ZNF831: variants seen among roughly 807,000 people sequenced by gnomAD.
ZNF831 encodes the protein chromosome 20 open reading frame 174.
Under a neutral mutation model 95.8 loss-of-function variants are expected in ZNF831, and 59 were observed. The observed-to-expected ratio is 0.62, with a 90% CI of 0.50 to 0.77. ZNF831 has a LOEUF of 0.77. Ranked by LOEUF, ZNF831 falls within the 30% of genes least tolerant of loss-of-function variation. ZNF831 has a pLI of 0.00. For synonymous variants in ZNF831, 961 were observed against 925.5 expected (o/e 1.04, Z -0.70); for missense variants, 2,205 against 2,164.0 (o/e 1.02, Z -0.38).
intron 1 of ZNF831, among the ~76,000 whole-genome samples, chr20:59,143,971 T>C (rs1389462977): frequency 6.6e-6 from 1 of 152,248 alleles, no homozygotes; most frequent in Non-Finnish European, 1.5e-5. Context: ...GATTATCCGC[T>C]GAGTGCTCGC....
chr20:59,227,983 T>C (rs1986520255), intron 4 of ZNF831, among the ~76,000 whole-genome samples: 1 of 152,184 alleles, frequency 6.6e-6, no homozygotes, highest in Non-Finnish European at 1.5e-5. Context: ...TTCAACCACA[T>C]AGGTTATAGT....
At chr20:59,180,381 C>G (rs569393648) in intron 1 of ZNF831, among the ~76,000 whole-genome samples, 1 of 152,256 alleles carries the variant, frequency 6.6e-6, no homozygotes, top group East Asian at 1.9e-4. Flanking sequence ...TTTAAAAGTT[C>G]TGGGATACAT....
chr20:59,210,410 T>G (rs1985216408), intron 4 of ZNF831, among the ~76,000 whole-genome samples: 1 of 152,126 alleles, frequency 6.6e-6, no homozygotes, highest in Admixed American at 6.5e-5. Flanking sequence ...TTGTGTTTGT[T>G]GGAGCTGAAA....
At chr20:59,130,679 CA>C (rs1979324185) in intron 1 of ZNF831, among the ~76,000 whole-genome samples, 1 of 152,094 alleles carries the variant, frequency 6.6e-6, no homozygotes, top group Non-Finnish European at 1.5e-5. Context: ...GTGATTAATC[CA>C]AATTTGAGTC....
chr20:59,178,363 G>A (rs73306902), intron 1 of ZNF831, among the ~76,000 whole-genome samples: 4,719 of 152,330 alleles, frequency 0.031, 257 homozygotes, highest in African/African-American at 0.11. Flanking sequence ...TCAAGTAAGT[G>A]AGGAACCTCT....
chr20:59,130,519 C>T (rs1320381349), intron 1 of ZNF831, among the ~76,000 whole-genome samples: 1 of 152,194 alleles, frequency 6.6e-6, no homozygotes, highest in Non-Finnish European at 1.5e-5. Context: ...CGTTTGGCTT[C>T]CCTCCCCTCC....
Position 59,258,607 on chromosome 20 carries a change from G to A in ZNF831, c.*3864G>A, listed in dbSNP as rs2064864. ...CTCTATGGGTGATCATATTTCTACT[G>A]CTGCAGCAAGCTGGGCTTGTGTATT... On this transcript the variant is annotated 3_prime_UTR_variant, in exon 6 of 6. Transcript: ENST00000371030. 65,174 of 152,350 alleles carry A rather than the reference G, an allele frequency of 0.43. 15,107 individuals carry two copies. The highest frequency in any genetic ancestry group is 0.72 in the East Asian group (3,697 of 5,168). 9.4% of individuals were successfully genotyped at this position (152,350 alleles called of 1,614,324 possible).
At chr20:59,172,589 C>CCATA (rs1327140399) in intron 1 of ZNF831, among the ~76,000 whole-genome samples, 1 of 152,132 alleles carries the variant, frequency 6.6e-6, no homozygotes, top group African/African-American at 2.4e-5. Flanking sequence ...GGCATATTTC[C>CCATA]CATAGTCTTT....
chr20:59,151,481 C>T (rs917666751), intron 2 of ZNF831, among the ~76,000 whole-genome samples: 3 of 152,136 alleles, frequency 2.0e-5, no homozygotes, highest in East Asian at 1.9e-4. Flanking sequence ...CTCCCATGTG[C>T]CTGGGGCTCT....
chr20:59,176,099 C>G (rs1982135824), intron 1 of ZNF831, among the ~76,000 whole-genome samples: 1 of 152,198 alleles, frequency 6.6e-6, no homozygotes, highest in South Asian at 2.1e-4. Context: ...TGGATTAACA[C>G]ACTGTGGCAC....
intron 2 of ZNF831, among the ~76,000 whole-genome samples, chr20:59,156,854 A>G (rs974494782): frequency 6.6e-6 from 1 of 152,264 alleles, no homozygotes; most frequent in African/African-American, 2.4e-5. Flanking sequence ...TAAAAGGTGG[A>G]ATAAACATCT....
At chr20:59,129,536 T>G (rs1174770641) in intron 1 of ZNF831, among the ~76,000 whole-genome samples, 4 of 152,104 alleles carry the variant, frequency 2.6e-5, no homozygotes, top group Non-Finnish European at 4.4e-5. Flanking sequence ...GGCAGGAGAA[T>G]TGCTTGAATC....
rs764352595 is a variant in ZNF831, at chr20:59,192,669, G to T, written c.1650G>T (p.Ser550=). ...ARLGCRSGLS[S]TDVPSGHPRA... is the part of the protein sequence containing the mutation. ...TGGGCTGCCGCTCGGGACTAAGCTCGACTGACGTTCCCAGTGGGCATCCCC... is the reference window on the plus strand; with the variant it reads ...TGGGCTGCCGCTCGGGACTAAGCTCTACTGACGTTCCCAGTGGGCATCCCC... Residue 550 remains serine (S), a synonymous_variant, in exon 2 of 6, where the codon TCG becomes TCT. Coordinates refer to ENST00000371030, the MANE Select transcript of ZNF831 (RefSeq NM_178457.3). The surrounding 1 kb of genome is among the most constrained non-coding windows in gnomAD (Gnocchi z 5.2). 6.5e-7 allele frequency: 1 copy of T among 1,544,960 alleles called. No individual in the cohort carries two copies. The highest frequency in any genetic ancestry group is 2.3e-5 in the East Asian group (1 of 43,034).
chr20:59,171,167 A>G (rs898989420), intron 1 of ZNF831, among the ~76,000 whole-genome samples: 1 of 152,134 alleles, frequency 6.6e-6, no homozygotes, highest in African/African-American at 2.4e-5. Flanking sequence ...GGGGAACTCC[A>G]TGGCATGTCC....
chr20:59,197,330 G>A (rs73618651), intron 3 of ZNF831, among the ~76,000 whole-genome samples: 23,670 of 152,030 alleles, frequency 0.16, 2,172 homozygotes, highest in East Asian at 0.27. Context: ...ATCCCACAAG[G>A]TACTGCCCAT....
intron 2 of ZNF831, among the ~76,000 whole-genome samples, chr20:59,152,708 G>A (rs1980315628): frequency 2.0e-5 from 3 of 152,170 alleles, no homozygotes; most frequent in Non-Finnish European, 1.5e-5. Flanking sequence ...GTAGGAGGCA[G>A]TAGGGAATGG....
intron 2 of ZNF831, among the ~76,000 whole-genome samples, chr20:59,151,655 G>A (rs1290709259): frequency 6.6e-6 from 1 of 152,202 alleles, no homozygotes; most frequent in Non-Finnish European, 1.5e-5. Flanking sequence ...CAGCTCCTGG[G>A]CGTGGACTTT....
chr20:59,172,643 G>A (rs1052157398), intron 1 of ZNF831, among the ~76,000 whole-genome samples: 2 of 152,062 alleles, frequency 1.3e-5, no homozygotes, highest in Non-Finnish European at 2.9e-5. Context: ...CCAGCATTCC[G>A]GCCTCACTAA....
chr20:59,148,858 T>G (rs1436644504), intron 2 of ZNF831, among the ~76,000 whole-genome samples: 1 of 151,950 alleles, frequency 6.6e-6, no homozygotes, highest in Non-Finnish European at 1.5e-5. Context: ...CTGGTGTGAG[T>G]TCTGCCCTCC....
Sources: allele counts gnomAD v4.1 joint callset (sites outside exome capture counted in the v4.1 genomes callset), GRCh38; gene constraint gnomAD v4.1.1; non-coding constraint Gnocchi (gnomAD v3.1); transcripts MANE v1.5; gene names NCBI Gene and HGNC (gene_info 2026-07-23, HGNC 2026-07-21).